CCDC6: variants seen among roughly 807,000 people sequenced by gnomAD.
CCDC6 encodes coiled-coil domain containing 6.
Under a neutral mutation model 56.6 loss-of-function variants are expected in CCDC6, and 20 were observed. The observed-to-expected ratio is 0.35, with a 90% CI of 0.25 to 0.51. The LOEUF (loss-of-function observed/expected upper bound fraction) is 0.51, where lower values mean the gene tolerates loss of function less well. Among genes scored for constraint, CCDC6 ranks in the 20% least tolerant of loss-of-function variants. CCDC6 has a pLI of 0.95. For missense variants in CCDC6, 367 were observed against 601.1 expected (o/e 0.61, Z 4.07); for synonymous variants, 241 against 234.4 (o/e 1.03, Z -0.26).
rs2070473837 is a variant in CCDC6, at chr10:59,792,173, A to G, written c.*744T>C. On this transcript the variant is annotated 3_prime_UTR_variant, in exon 9 of 9. Transcript: ENST00000263102. Reference sequence around the variant, plus strand: ...AGGACAACATTTATCGACTCATGTTAGAGGGGGCCAGGTTAAGTAGATTAA... The same window carrying G: ...AGGACAACATTTATCGACTCATGTTGGAGGGGGCCAGGTTAAGTAGATTAA... The G allele has an allele frequency of 4.1e-6, 1 of 241,026 alleles. No homozygotes were observed. Among genetic ancestry groups the G allele is most frequent in the Non-Finnish European group, 8.2e-6 (1 of 121,820 alleles). The allele number at this position is 241,026 out of a possible 1,614,324, so 14.9% of individuals were successfully genotyped here.
chr10:59,859,064 C>A (rs892483692), intron 1 of CCDC6, among the ~76,000 whole-genome samples: 1 of 152,164 alleles, frequency 6.6e-6, no homozygotes, highest in Non-Finnish European at 1.5e-5. Context: ...CTAAATAATT[C>A]ACATAAAGAG....
At position 59,789,173 on chromosome 10, in the gene CCDC6, G is replaced by A. The variant is rs940896069; in HGVS notation, c.*3744C>T. ...CCTGCAACTTTGTTTTTGCCAGGAT[G>A]AAGTTCAGACCGAGATGTACAATAC... On this transcript the variant is annotated 3_prime_UTR_variant, in exon 9 of 9. Transcript: ENST00000263102. 17 of 230,670 alleles carry A rather than the reference G, an allele frequency of 7.4e-5. No homozygotes were observed. The highest frequency in any genetic ancestry group is 3.5e-4 in the African/African-American group (16 of 45,188). 14.3% of individuals were successfully genotyped at this position (230,670 alleles called of 1,614,324 possible).
At chr10:59,891,756 C>T (rs540294999) in intron 1 of CCDC6, among the ~76,000 whole-genome samples, 1 of 150,362 alleles carries the variant, frequency 6.7e-6, no homozygotes, top group African/African-American at 2.4e-5. Flanking sequence ...GAAGGGCAGT[C>T]TTGAGCTTAC....
chr10:59,890,967 A>G (rs564201320), intron 1 of CCDC6, among the ~76,000 whole-genome samples: 1 of 152,142 alleles, frequency 6.6e-6, no homozygotes, highest in South Asian at 2.1e-4. Flanking sequence ...CCCACCTATG[A>G]GTGAGAACAT....
intron 1 of CCDC6, among the ~76,000 whole-genome samples, chr10:59,855,261 C>T (rs909733415): frequency 6.6e-6 from 1 of 152,168 alleles, no homozygotes; most frequent in Non-Finnish European, 1.5e-5. Flanking sequence ...AAAGAACTTT[C>T]GGTAGAAAGT....
At chr10:59,905,922 C>T (rs376704750) in intron 1 of CCDC6, among the ~76,000 whole-genome samples, 200 bp downstream of exon 1, 1 of 152,174 alleles carries the variant, frequency 6.6e-6, no homozygotes, top group Admixed American at 6.5e-5. Flanking sequence ...GGTCCTCAGA[C>T]CCCCGAGGAG....
chr10:59,827,879 C>T (rs1216817341), intron 3 of CCDC6, among the ~76,000 whole-genome samples: 2 of 152,168 alleles, frequency 1.3e-5, no homozygotes, highest in African/African-American at 4.8e-5. Flanking sequence ...TAACCCTCCA[C>T]GGATATAGTG....
intron 6 of CCDC6, 163 bp from the exon 7 acceptor site, chr10:59,804,683 A>C: frequency 1.7e-6 from 1 of 581,962 alleles, no homozygotes; most frequent in Non-Finnish European, 3.1e-6. Flanking sequence ...CTCCTGAGTC[A>C]CACCGCTCTG....
chr10:59,857,283 CCA>C (rs1192709962), intron 1 of CCDC6, among the ~76,000 whole-genome samples: 2 of 152,144 alleles, frequency 1.3e-5, no homozygotes, highest in Non-Finnish European at 2.9e-5. Context: ...ATTTAGGCAA[CCA>C]CACTCTAAAT....
intron 7 of CCDC6, among the ~76,000 whole-genome samples, chr10:59,799,425 C>T (rs547820814): frequency 7.9e-5 from 12 of 152,176 alleles, no homozygotes; most frequent in African/African-American, 1.4e-4. Context: ...GACTCTATCT[C>T]GAAAAAAGAA....
chr10:59,806,815 T>G, intron 6 of CCDC6, 107 bp downstream of exon 6: 1 of 935,810 alleles, frequency 1.1e-6, no homozygotes, highest in Non-Finnish European at 1.6e-6. Flanking sequence ...AATAAATACA[T>G]ATTTAAGCCA....
At chr10:59,837,138 A>G (rs2070889764) in intron 2 of CCDC6, among the ~76,000 whole-genome samples, 1 of 152,248 alleles carries the variant, frequency 6.6e-6, no homozygotes. Flanking sequence ...AACCACTTCA[A>G]TGAACCAGGC....
intron 4 of CCDC6, among the ~76,000 whole-genome samples, chr10:59,814,350 T>C (rs2070695804): frequency 2.6e-5 from 4 of 152,172 alleles, no homozygotes; most frequent in Admixed American, 2.6e-4. Flanking sequence ...AAAGTTGAAA[T>C]TGCAACCATT....
intron 1 of CCDC6, among the ~76,000 whole-genome samples, chr10:59,858,275 G>A (rs1478649875): frequency 6.6e-6 from 1 of 152,038 alleles, no homozygotes; most frequent in Non-Finnish European, 1.5e-5. Context: ...ACTAGTACAC[G>A]CTTCCTCCGC....
chr10:59,903,427 G>A (rs2071519059), intron 1 of CCDC6, among the ~76,000 whole-genome samples: 1 of 152,160 alleles, frequency 6.6e-6, no homozygotes, highest in African/African-American at 2.4e-5. Context: ...TTTATGTTCA[G>A]TGTTACGTGA....
intron 3 of CCDC6, among the ~76,000 whole-genome samples, chr10:59,828,510 TGAAG>T (rs1366922789): frequency 6.6e-6 from 1 of 152,186 alleles, no homozygotes; most frequent in East Asian, 1.9e-4. Flanking sequence ...TAGAGTTCTT[TGAAG>T]TATAAAAGAA....
intron 3 of CCDC6, among the ~76,000 whole-genome samples, chr10:59,815,472 T>C (rs907121433): frequency 6.6e-6 from 1 of 152,206 alleles, no homozygotes; most frequent in African/African-American, 2.4e-5. Context: ...GGCATAGCAG[T>C]GAATCAAGGA....
chr10:59,825,691 G>A (rs989570237), intron 3 of CCDC6, among the ~76,000 whole-genome samples: 2 of 152,196 alleles, frequency 1.3e-5, no homozygotes, highest in Non-Finnish European at 2.9e-5. Flanking sequence ...AACTGGCTAT[G>A]ATGTCAGTTT....
chr10:59,837,746 C>CAAAAAAAAA (rs397940135), intron 2 of CCDC6, among the ~76,000 whole-genome samples: 25 of 49,716 alleles, frequency 5.0e-4, no homozygotes, highest in African/African-American at 7.6e-4. Context: ...GACTCTGTCT[C>CAAAAAAAAA]AAAAAAAAAA....
Sources: allele counts gnomAD v4.1 joint callset (sites outside exome capture counted in the v4.1 genomes callset), GRCh38; gene constraint gnomAD v4.1.1; transcripts MANE v1.5; gene names NCBI Gene and HGNC (gene_info 2026-07-23, HGNC 2026-07-21).